IDS: variants seen among roughly 807,000 people sequenced by gnomAD.
The protein encoded by IDS is iduronate 2-sulfatase.
Under a neutral mutation model 33.5 loss-of-function variants are expected in IDS, and 1 was observed. That is an observed-to-expected ratio of 0.03 (90% CI 0.01 to 0.14). The LOEUF (loss-of-function observed/expected upper bound fraction) is 0.14, where lower values mean the gene tolerates loss of function less well. Ranked by LOEUF, IDS falls within the 10% of genes least tolerant of loss-of-function variation. The pLI is 1.00. For missense variants in IDS, 328 were observed against 448.0 expected (o/e 0.73, Z 2.42); for synonymous variants, 191 against 184.4 (o/e 1.04, Z -0.29).
At chrX:149,484,464 G>A (rs1244219037) in intron 8 of IDS, among the ~76,000 whole-genome samples, 1 of 112,220 alleles carries the variant, frequency 8.9e-6, no homozygotes, top group Non-Finnish European at 1.9e-5. Flanking sequence ...TGGGATTACA[G>A]GCATGCACCG....
At position 149,483,071 on chromosome X, in the gene IDS, C is replaced by T. The variant is rs1047741308; in HGVS notation, c.1328G>A (p.Arg443Gln). Residue 443 changes from arginine to glutamine, a missense_variant, in exon 9 of 9, where the codon CGA (arginine) becomes CAA (glutamine). Physicochemically the swap from Arg to Gln is conservative, Grantham distance 43. Coordinates refer to ENST00000340855, the MANE Select transcript of IDS (RefSeq NM_000202.8). ...REGKNLLKHF[R>Q]FRDLEEDPYL... ...CGGATCCTCTTCCAAGTCACGGAAT[C>T]GAAAATGCTTCAGAAGGTTCTTGCC... 1.7e-6 allele frequency: 2 copies of T among 1,206,749 alleles called. No individual in the cohort carries two copies. The highest frequency in any genetic ancestry group is 1.8e-5 in the South Asian group (1 of 56,614).
Position 149,479,090 on chromosome X carries a change from C to T in IDS, c.*3656G>A, listed in dbSNP as rs1000863873. On this transcript the variant is annotated 3_prime_UTR_variant, in exon 9 of 9. Coordinates refer to ENST00000340855, the MANE Select transcript of IDS (RefSeq NM_000202.8). Reference sequence around the variant, plus strand: ...CTGGAGTGCAGTGGCGCGATCTTGGCTCACTGCAACCTCCGCCTCCTGGGT... The same window carrying T: ...CTGGAGTGCAGTGGCGCGATCTTGGTTCACTGCAACCTCCGCCTCCTGGGT... 1 of 112,832 alleles carries T rather than the reference C, an allele frequency of 8.9e-6. No individual in the cohort carries two copies. Among genetic ancestry groups the T allele is most frequent in the Non-Finnish European group, 1.9e-5 (1 of 53,337 alleles). 9.3% of individuals were successfully genotyped at this position (112,832 alleles called of 1,213,427 possible).
intron 8 of IDS, among the ~76,000 whole-genome samples, chrX:149,483,613 C>A (rs1431991601): frequency 1.8e-5 from 2 of 112,185 alleles, no homozygotes; most frequent in African/African-American, 6.5e-5. Context: ...TGGATGTCTG[C>A]ATTAGAGTTA....
At chrX:149,489,486 C>G (rs2089370526) in intron 7 of IDS, among the ~76,000 whole-genome samples, 1 of 112,519 alleles carries the variant, frequency 8.9e-6, no homozygotes, top group South Asian at 3.6e-4. Flanking sequence ...TGTTCTGGCC[C>G]TGAATTACAT....
intron 7 of IDS, among the ~76,000 whole-genome samples, chrX:149,489,516 T>C (rs1341808258): frequency 1.8e-5 from 2 of 112,667 alleles, no homozygotes; most frequent in African/African-American, 6.5e-5. Context: ...CCTTTTTTCT[T>C]TTCATGATAA....
At position 149,505,234 on chromosome X, in the gene IDS, G is replaced by A. The variant is rs1236880360; in HGVS notation, c.-97C>T. 12 of 593,896 alleles carry A rather than the reference G, an allele frequency of 2.0e-5. No individual in the cohort carries two copies. The East Asian group carries it at 3.5e-4, about 17-fold the overall frequency. 48.9% of individuals were successfully genotyped at this position (593,896 alleles called of 1,213,427 possible). ...CCGCAGCCACAGAGACCTCCTCGTC[G>A]GGAACCCATGAAGACTGCGCAACAC... On this transcript the variant is annotated 5_prime_UTR_variant, in exon 1 of 9. The change creates a premature stop within an existing upstream ORF in the 5' untranslated region. Transcript: ENST00000340855.
chrX:149,490,200 C>A, intron 7 of IDS, 114 bp downstream of exon 7: 1 of 807,827 alleles, frequency 1.2e-6, no homozygotes, highest in African/African-American at 2.0e-5. Context: ...GTTTGTGAAC[C>A]ACTGGTTCAC....
chrX:149,490,039 C>T (rs918328653), intron 7 of IDS, among the ~76,000 whole-genome samples: 12 of 107,426 alleles, frequency 1.1e-4, no homozygotes, highest in Non-Finnish European at 1.3e-4. Flanking sequence ...CTCTGCCACA[C>T]AAATGGAGGG....
intron 6 of IDS, chrX:149,491,511 C>G: frequency 2.1e-6 from 2 of 946,534 alleles, no homozygotes; most frequent in Non-Finnish European, 2.7e-6. Flanking sequence ...TCATCACTGC[C>G]AGGGTGAGGA....
chrX:149,488,647 C>T (rs1432452396), intron 7 of IDS, among the ~76,000 whole-genome samples: 10 of 109,048 alleles, frequency 9.2e-5, no homozygotes, highest in Non-Finnish European at 1.7e-4. Context: ...TGACACATGG[C>T]AAATGCTACA....
In IDS at chrX:149,482,036, A is replaced by G. The variant is rs1557337482; in HGVS notation, c.*710T>C. ...TATTTGGGCCAGAAAGTATCTGAAA[A>G]AAGTTTAACCAAATTTCCTACACAT... On this transcript the variant is annotated 3_prime_UTR_variant, in exon 9 of 9. Transcript: ENST00000340855. 8.9e-6 allele frequency: 1 copy of G among 112,545 alleles called. No homozygotes were observed. The highest frequency in any genetic ancestry group is 3.2e-5 in the African/African-American group (1 of 31,028). 9.3% of individuals were successfully genotyped at this position (112,545 alleles called of 1,213,427 possible).
intron 7 of IDS, among the ~76,000 whole-genome samples, chrX:149,488,685 A>C (rs1174118377): frequency 1.8e-5 from 2 of 110,438 alleles, no homozygotes; most frequent in Non-Finnish European, 3.8e-5. Context: ...CCTGACTGCA[A>C]GATCGTATTG....
intron 6 of IDS, among the ~76,000 whole-genome samples, chrX:149,493,476 C>T (rs979668602): frequency 1.8e-4 from 20 of 111,895 alleles, no homozygotes; most frequent in Non-Finnish European, 3.0e-4. Context: ...GCCCAGTGTG[C>T]ACTCGCTCTG....
At chrX:149,492,433 G>C (rs782226126) in intron 6 of IDS, among the ~76,000 whole-genome samples, 1 of 111,480 alleles carries the variant, frequency 9.0e-6, no homozygotes, top group Non-Finnish European at 1.9e-5. Context: ...TGCAGGGCAC[G>C]GAACAGTGTG....
chrX:149,483,911 T>G (rs781836225), intron 8 of IDS, among the ~76,000 whole-genome samples: 4 of 112,712 alleles, frequency 3.5e-5, no homozygotes, highest in Non-Finnish European at 7.5e-5. Context: ...ATACAGTATT[T>G]GTCCTTTTGT....
At chrX:149,483,361 G>C (rs998575904) in intron 8 of IDS, 143 bp from the exon 9 acceptor site, 2 of 488,735 alleles carry the variant, frequency 4.1e-6, no homozygotes, top group Non-Finnish European at 7.2e-6. Context: ...CAGACGTTTA[G>C]AAACACCACC....
At chrX:149,487,996 G>A (rs1267173885) in intron 7 of IDS, among the ~76,000 whole-genome samples, 1 of 85,455 alleles carries the variant, frequency 1.2e-5, no homozygotes. Flanking sequence ...TCCAGAACAG[G>A]GCTGAAACCT....
Position 149,477,841 on chromosome X carries a change from A to G in IDS, c.*4905T>C, listed in dbSNP as rs1569560347. On this transcript the variant is annotated 3_prime_UTR_variant, in exon 9 of 9. Transcript: ENST00000340855. ...AACAACTGACAGTCCTCTCTGCTTG[A>G]AGTTCTCATGTGCAGAAGAGAGAAA... 8.9e-6 allele frequency: 1 copy of G among 112,101 alleles called. No homozygotes were observed. The highest frequency in any genetic ancestry group is 1.9e-5 in the Non-Finnish European group (1 of 53,185). The allele number at this position is 112,101 out of a possible 1,213,427, so 9.2% of individuals were successfully genotyped here.
chrX:149,496,570 G>A (rs1180494105), intron 5 of IDS, 54 bp from the exon 6 acceptor site: 16 of 1,140,227 alleles, frequency 1.4e-5, no homozygotes, highest in Non-Finnish European at 1.9e-5. Flanking sequence ...AAAAGCACAA[G>A]CTTGTGGCTC....
Sources: allele counts gnomAD v4.1 joint callset (sites outside exome capture counted in the v4.1 genomes callset), GRCh38; gene constraint gnomAD v4.1.1; transcripts MANE v1.5; gene names NCBI Gene and HGNC (gene_info 2026-07-23, HGNC 2026-07-21).